Variants in LRRCC1 observed in about 807,000 individuals in gnomAD.
The protein encoded by LRRCC1 is leucine rich repeat and coiled-coil centrosomal protein 1.
A neutral mutation model predicts 126.0 loss-of-function variants in LRRCC1; 115 were observed. That is an observed-to-expected ratio of 0.91 (90% CI 0.78 to 1.07). LRRCC1 has a LOEUF of 1.07. Among genes scored for constraint, LRRCC1 ranks in the 50% least tolerant of loss-of-function variants. LRRCC1 has a pLI of 0.00. For missense variants in LRRCC1, 1,172 were observed against 1,175.7 expected, an observed-to-expected ratio of 1.00 and a Z score of 0.05; for synonymous variants, 400 against 393.4, an observed-to-expected ratio of 1.02 and a Z score of -0.20.
At position 85,138,083 on chromosome 8, in the gene LRRCC1, AC is replaced by A; in HGVS notation, c.2543del (p.Thr848LysfsTer3). 1 of 1,598,288 alleles carries A rather than the reference AC, an allele frequency of 6.3e-7. No individual in the cohort carries two copies. Among genetic ancestry groups the A allele is most frequent in the Non-Finnish European group, 8.5e-7 (1 of 1,171,784 alleles). On this transcript the variant is annotated frameshift_variant, in exon 16 of 19. Coordinates refer to ENST00000360375, the MANE Select transcript of LRRCC1 (RefSeq NM_033402.5). LOFTEE classifies it high-confidence loss of function. ...EHIKRLQEKI[T>X]EIEKCTQEQL... ...CATCAAAAGATTACAAGAAAAGATC[AC>A]AGAAATAGAAAAATGCACTCAAGAA...
intron 3 of LRRCC1, among the ~76,000 whole-genome samples, chr8:85,110,955 A>T (rs1808664641): frequency 1.3e-5 from 2 of 152,200 alleles, no homozygotes; most frequent in Non-Finnish European, 2.9e-5. Context: ...CTAAAAGAAC[A>T]CTACCCTATG....
At chr8:85,136,235 G>T (rs1173285812) in intron 14 of LRRCC1, among the ~76,000 whole-genome samples, 3 of 152,044 alleles carry the variant, frequency 2.0e-5, no homozygotes, top group South Asian at 2.1e-4. Context: ...TGAACCATGG[G>T]TGCTTTTACA....
At chr8:85,144,878 G>A (rs997803558) in intron 18 of LRRCC1, among the ~76,000 whole-genome samples, 2 of 147,850 alleles carry the variant, frequency 1.4e-5, no homozygotes, top group Admixed American at 1.3e-4. Context: ...AGACCATCCT[G>A]GCTAACACAG....
intron 9 of LRRCC1, among the ~76,000 whole-genome samples, chr8:85,127,160 T>C (rs962228249): frequency 6.6e-6 from 1 of 152,202 alleles, no homozygotes; most frequent in Admixed American, 6.5e-5. Context: ...GCAGCCTTTT[T>C]CTTTAAGCTT....
intron 7 of LRRCC1, 151 bp downstream of exon 7, chr8:85,123,757 C>A: frequency 1.8e-6 from 1 of 560,518 alleles, no homozygotes; most frequent in Non-Finnish European, 3.0e-6. Context: ...TCAGTACATT[C>A]ATGTAAATGT....
chr8:85,123,705 T>G (rs1587399052), intron 7 of LRRCC1, 99 bp downstream of exon 7: 2 of 897,898 alleles, frequency 2.2e-6, no homozygotes, highest in South Asian at 2.0e-5. Context: ...ACTTTACTAA[T>G]GTTGAAGATT....
Position 85,118,863 on chromosome 8 carries a change from T to C in LRRCC1, c.930+3279T>C, listed in dbSNP as rs1275210316. Among the ~76,000 whole-genome samples, 5 of 152,156 alleles carry C rather than the reference T, an allele frequency of 3.3e-5. No homozygotes were observed. The South Asian group carries it at 6.2e-4, about 19-fold the overall frequency. On this transcript the variant is annotated intron_variant, in intron 6 of 18. Coordinates refer to ENST00000360375, the MANE Select transcript of LRRCC1 (RefSeq NM_033402.5). Reference sequence around the variant, plus strand: ...TTTGATAAGCAATAGTGTTTAATTTTGATAAAGTCCAATTTATCATTTTTT... The same window carrying C: ...TTTGATAAGCAATAGTGTTTAATTTCGATAAAGTCCAATTTATCATTTTTT...
chr8:85,118,171 C>A (rs1000530545), intron 6 of LRRCC1, among the ~76,000 whole-genome samples: 1 of 151,838 alleles, frequency 6.6e-6, no homozygotes, highest in Non-Finnish European at 1.5e-5. Context: ...CTGAGCATAA[C>A]CTTGTAAAAA....
chr8:85,114,817 T>C (rs1808978952), intron 4 of LRRCC1, among the ~76,000 whole-genome samples: 1 of 152,172 alleles, frequency 6.6e-6, no homozygotes. Flanking sequence ...TTATGCATTA[T>C]ATATTTAAAG....
chr8:85,130,307 T>G (rs1810369609), intron 11 of LRRCC1, among the ~76,000 whole-genome samples: 1 of 151,728 alleles, frequency 6.6e-6, no homozygotes, highest in South Asian at 2.1e-4. Flanking sequence ...GCTAATTTTT[T>G]TTTTTTTTGT....
chr8:85,139,193 A>T (rs1364008017), intron 17 of LRRCC1, among the ~76,000 whole-genome samples: 1 of 152,228 alleles, frequency 6.6e-6, no homozygotes, highest in Non-Finnish European at 1.5e-5. Context: ...TACCAGGGTC[A>T]ATGAGCTCCT....
chr8:85,132,018 T>A, intron 12 of LRRCC1, 57 bp downstream of exon 12: 1 of 1,393,256 alleles, frequency 7.2e-7, no homozygotes, highest in Admixed American at 2.2e-5. Context: ...TATGGTTTGA[T>A]GAGAGGACTT....
At position 85,134,923 on chromosome 8, in the gene LRRCC1, A is replaced by C; in HGVS notation, c.2045A>C (p.Glu682Ala). 2 of 1,597,302 alleles carry C rather than the reference A, an allele frequency of 1.3e-6. No individual in the cohort carries two copies. Among genetic ancestry groups the C allele is most frequent in the Middle Eastern group, 1.7e-4 (1 of 6,020 alleles). The change falls in exon 13 of 19, where the codon GAA becomes GCA. Residue 682 changes from glutamate (E) to alanine (A), a missense_variant. Transcript: ENST00000360375. ...GCTCTTATTTGGGCTCAACGAAAAG[A>C]AAATGAGTCTTCCTCTTTAATTAAA... ...KHALIWAQRKENESSSLIKDL... is the reference protein window; with the variant it reads ...KHALIWAQRKANESSSLIKDL...
At position 85,107,267 on chromosome 8, in the gene LRRCC1, T is replaced by A; in HGVS notation, c.-29T>A. On this transcript the variant is annotated 5_prime_UTR_variant, in exon 1 of 19. Transcript: ENST00000360375. ...TCACGGACCCCTCGCTGGGTGCCGG[T>A]TAAGACCCCGCTCCCCGTCGCCAGT... 2 of 1,591,402 alleles carry A rather than the reference T, an allele frequency of 1.3e-6. No homozygotes were observed. The highest frequency in any genetic ancestry group is 2.3e-5 in the South Asian group (2 of 88,198).
At chr8:85,134,402 C>G (rs1360199494) in intron 12 of LRRCC1, among the ~76,000 whole-genome samples, 1 of 152,148 alleles carries the variant, frequency 6.6e-6, no homozygotes, top group African/African-American at 2.4e-5. Context: ...ACTGCAGCCT[C>G]CTCCTCCCGG....
intron 17 of LRRCC1, among the ~76,000 whole-genome samples, chr8:85,139,567 A>G (rs936283255): frequency 2.0e-5 from 3 of 152,114 alleles, no homozygotes; most frequent in Non-Finnish European, 4.4e-5. Context: ...CGCCCGGCCG[A>G]GAGCCGATTT....
chr8:85,120,672 A>G (rs1809481328), intron 6 of LRRCC1, among the ~76,000 whole-genome samples: 1 of 152,092 alleles, frequency 6.6e-6, no homozygotes, highest in Non-Finnish European at 1.5e-5. Context: ...GGATTTGCCT[A>G]TTTTGAACAT....
At chr8:85,119,449 A>G (rs898944311) in intron 6 of LRRCC1, among the ~76,000 whole-genome samples, 1 of 135,072 alleles carries the variant, frequency 7.4e-6, no homozygotes, top group African/African-American at 2.7e-5. Context: ...TCTGGTTTTT[A>G]TTTTTCCCCT....
Position 85,138,194 on chromosome 8 carries a change from C to T in LRRCC1, c.2653C>T (p.Gln885Ter). The stretch of plus-strand genomic sequence containing the variant: ...TGAAAGAAAAGAAAAACTAAAACAA[C>T]AGTTGAAAGGAAAGGAAGTAGAACT... ...HNERKEKLKQ[Q>*]LKGKEVELEE... Residue 885 changes from glutamine (Q) to a stop codon, truncating the protein, a stop_gained, in exon 16 of 19, where the codon CAG (glutamine) becomes TAG (stop). Coordinates refer to ENST00000360375, the MANE Select transcript of LRRCC1 (RefSeq NM_033402.5). LOFTEE classifies it high-confidence loss of function. The T allele has an allele frequency of 6.2e-7, 1 of 1,612,126 alleles. No homozygotes were observed. The highest frequency in any genetic ancestry group is 8.5e-7 in the Non-Finnish European group (1 of 1,179,094).
Sources: allele counts gnomAD v4.1 joint callset (sites outside exome capture counted in the v4.1 genomes callset), GRCh38; gene constraint gnomAD v4.1.1; transcripts MANE v1.5; gene names NCBI Gene and HGNC (gene_info 2026-07-23, HGNC 2026-07-21).